The following NMUR1 variants were observed in gnomAD, a reference collection of about 807,000 sequenced individuals.
NMUR1 encodes the protein neuromedin U receptor 1.
Under a neutral mutation model 18.8 loss-of-function variants are expected in NMUR1, and 16 were observed. The ratio of observed to expected loss-of-function variants is 0.85; its 90% CI spans 0.58 to 1.29. NMUR1 has a LOEUF of 1.29. Among genes scored for constraint, NMUR1 ranks in the 50% most tolerant of loss-of-function variants. The pLI is 0.00. For missense variants in NMUR1, 529 were observed against 580.3 expected (o/e 0.91, Z 0.91); for synonymous variants, 258 against 258.2 (o/e 1.00, Z 0.01).
intron 2 of NMUR1, among the ~76,000 whole-genome samples, chr2:231,526,447 G>A (rs3769986): frequency 0.28 from 42,440 of 152,068 alleles, 6,565 homozygotes; most frequent in East Asian, 0.5. Context: ...CACCTTCCAG[G>A]GGTGAGCCAC....
In NMUR1 at chr2:231,528,820, G is replaced by C; in HGVS notation, c.201C>G (p.Tyr67Ter). ...TELFMPICAT[Y>*]LLIFVVGAVG... ...CAGCGCCCACCACGAAGATCAGCAG[G>C]TATGTGGCACAGATGGGCATGAACA... is the stretch of plus-strand genomic sequence containing the variant. Residue 67 changes from tyrosine (Y) to a stop codon, truncating the protein, a stop_gained, in exon 2 of 3, where the codon TAC becomes TAG. Transcript: ENST00000305141. LOFTEE classifies it high-confidence loss of function. The C allele has an allele frequency of 1.2e-6, 2 of 1,614,250 alleles. No homozygotes were observed. Among genetic ancestry groups the C allele is most frequent in the South Asian group, 2.2e-5 (2 of 91,088 alleles).
chr2:231,522,984 A>G (rs1465101922), downstream of NMUR1, among the ~76,000 whole-genome samples: 3 of 152,172 alleles, frequency 2.0e-5, no homozygotes, highest in Non-Finnish European at 4.4e-5. Flanking sequence ...ATTCACCCAG[A>G]TGGTTTATGC....
rs1345073639 is a variant in NMUR1, at chr2:231,525,091, C to A, written c.1233G>T (p.Leu411=). 7 of 1,608,316 alleles carry A rather than the reference C, an allele frequency of 4.4e-6. No homozygotes were observed. The highest frequency in any genetic ancestry group is 5.9e-6 in the Non-Finnish European group (7 of 1,177,064). Residue 411 remains leucine (L), a synonymous_variant, in exon 3 of 3, where the codon CTG becomes CTT. Coordinates refer to ENST00000305141, the MANE Select transcript of NMUR1 (RefSeq NM_006056.5). ...VGSLGSWVHP[L]AGNDGPEAQQ... ...GCGCCTCTGGGCCATCGTTCCCAGC[C>A]AGGGGGTGGACCCAGCTGCCCAGGG...
intron 1 of NMUR1, among the ~76,000 whole-genome samples, chr2:231,529,316 C>T (rs779083160): frequency 1.4e-4 from 22 of 152,034 alleles, no homozygotes; most frequent in Admixed American, 7.9e-4. Flanking sequence ...AAAAAGTAGC[C>T]GGGCGTGGTA....
At chr2:231,530,040 A>C (rs1219715225) in intron 1 of NMUR1, among the ~76,000 whole-genome samples, 2 of 152,022 alleles carry the variant, frequency 1.3e-5, no homozygotes. Context: ...ATTGAGCCCC[A>C]CACCCTTCCT....
chr2:231,529,980 TC>T (rs2047398593), intron 1 of NMUR1, among the ~76,000 whole-genome samples: 1 of 152,214 alleles, frequency 6.6e-6, no homozygotes, highest in South Asian at 2.1e-4. Context: ...CTGTTCAGTC[TC>T]CATATTTGAC....
chr2:231,519,526 C>T (rs1191678782), downstream of NMUR1, among the ~76,000 whole-genome samples: 6 of 152,258 alleles, frequency 3.9e-5, no homozygotes, highest in Non-Finnish European at 8.8e-5. Context: ...ATGTTGCAGA[C>T]TGTCAGTGTT....
Position 231,524,865 on chromosome 2 carries a change from C to T in NMUR1, c.*178G>A, listed in dbSNP as rs2047338491. 1 of 732,862 alleles carries T rather than the reference C, an allele frequency of 1.4e-6. No individual in the cohort carries two copies. Among genetic ancestry groups the T allele is most frequent in the Non-Finnish European group, 2.1e-6 (1 of 474,560 alleles). The allele number at this position is 732,862 out of a possible 1,614,324, so 45.4% of individuals were successfully genotyped here. The stretch of plus-strand genomic sequence containing the variant: ...GCGTCTGGTCAGTGTGAGTCCTCAG[C>T]AGTCAGGGATCCCTCCTCCTGCTGT... On this transcript the variant is annotated 3_prime_UTR_variant, in exon 3 of 3. Transcript: ENST00000305141.
chr2:231,525,316 G>A lies in NMUR1; in HGVS notation c.1008C>T (p.His336=), dbSNP rs773347918. The change falls in exon 3 of 3, where the codon CAC becomes CAT. Residue 336 remains histidine, a synonymous_variant. Transcript: ENST00000305141. ...WTDGLHLAFQ[H]VHVISGIFFY... ...AGAAGATGCCGGAGATGACGTGCAC[G>A]TGCTGGAAGGCCAGGTGCAGGCCAT... 1.2e-5 allele frequency: 19 copies of A among 1,613,774 alleles called. No individual in the cohort carries two copies. Among genetic ancestry groups the A allele is most frequent in the Admixed American group, 1.7e-5 (1 of 59,994 alleles).
Position 231,526,330 on chromosome 2 carries a change from G to A in NMUR1, c.899-905C>T, listed in dbSNP as rs180885512. Among the ~76,000 whole-genome samples the A allele has an allele frequency of 3.2e-3, 492 of 152,214 alleles. 3 individuals are homozygous for A. The highest frequency in any genetic ancestry group is 0.011 in the African/African-American group (462 of 41,554). On this transcript the variant is annotated intron_variant, in intron 2 of 2. Transcript: ENST00000305141. ...CCTCATAATCCCAGATTTCAAAAAG[G>A]ACGTTGCTCACAACCTCCCTGGCCC...
At position 231,528,260 on chromosome 2, in the gene NMUR1, A is replaced by G. The variant is rs371287738; in HGVS notation, c.761T>C (p.Ile254Thr). The G allele has an allele frequency of 5.6e-5, 91 of 1,613,906 alleles. No individual in the cohort carries two copies. Among genetic ancestry groups the G allele is most frequent in the Non-Finnish European group, 7.3e-5 (86 of 1,180,000 alleles). The change falls in exon 2 of 3, where the codon ATT becomes ACT. Residue 254 changes from isoleucine to threonine, a missense_variant. By Grantham distance (89) the Ile-to-Thr change is moderately conservative. Coordinates refer to ENST00000305141, the MANE Select transcript of NMUR1 (RefSeq NM_006056.5). ...MAIMSVLYLL[I>T]GLRLRRERLL... ...CCTCTCCCGCCGCAGTCGCAGCCCA[A>G]TGAGCAGGTAGAGCACGCTCATGAT...
chr2:231,521,968 T>TC (rs1301401134), downstream of NMUR1, among the ~76,000 whole-genome samples: 42 of 84,976 alleles, frequency 4.9e-4, no homozygotes, highest in African/African-American at 1.2e-3. Flanking sequence ...CTTCTTTTTT[T>TC]TTCTCTTTTT....
In NMUR1 at chr2:231,528,530, AC is replaced by A; in HGVS notation, c.490del (p.Val164CysfsTer10). The A allele has an allele frequency of 2.5e-6, 4 of 1,613,934 alleles. No individual in the cohort carries two copies. ...ALSVERYVAVVHPLQARSMVT... is the reference protein window; with the variant it reads ...ALSVERYVAVXHPLQARSMVT... Reference sequence around the variant, plus strand: ...CATGGACCTGGCCTGGAGTGGGTGCACCACGGCCACATAGCGTTCCACGCTC... The same window carrying A: ...CATGGACCTGGCCTGGAGTGGGTGCACACGGCCACATAGCGTTCCACGCTC... On this transcript the variant is annotated frameshift_variant, in exon 2 of 3. Transcript: ENST00000305141. LOFTEE classifies it high-confidence loss of function.
downstream of NMUR1, among the ~76,000 whole-genome samples, chr2:231,518,794 C>T (rs1448539325): frequency 6.6e-6 from 1 of 152,168 alleles, no homozygotes; most frequent in Non-Finnish European, 1.5e-5. Context: ...GATAGTGGAC[C>T]TCAGTTGCTT....
At chr2:231,519,754 C>G (rs1476862990), downstream of NMUR1, among the ~76,000 whole-genome samples, 2 of 152,172 alleles carry the variant, frequency 1.3e-5, no homozygotes, top group Non-Finnish European at 2.9e-5. Flanking sequence ...TAGAAGCACA[C>G]TGGGGTTCTT....
In NMUR1 at chr2:231,528,990, G is replaced by A. The variant is rs1430302265; in HGVS notation, c.31C>T (p.Leu11Phe). The A allele has an allele frequency of 1.2e-6, 2 of 1,611,048 alleles. No individual in the cohort carries two copies. The highest frequency in any genetic ancestry group is 1.3e-5 in the African/African-American group (1 of 75,000). MTPLCLNCSV[L>F]PGDLYPGGAR... ...CCCCCTGGGTACAGGTCTCCAGGGA[G>A]GACAGAGCAATTGAGGCAGAGAGGA... Residue 11 changes from leucine to phenylalanine, a missense_variant, in exon 2 of 3, where the codon CTC becomes TTC. Transcript: ENST00000305141.
In NMUR1 at chr2:231,530,419, G is replaced by A. The variant is rs2047403732; in HGVS notation, c.-58C>T. On this transcript the variant is annotated 5_prime_UTR_variant, in exon 1 of 3. Transcript: ENST00000305141. ...CCCTCCGAGCGACGGACACAGACGCGGCGCGGGAGCCAGTGGACTGACTGA... is the reference window on the plus strand; with the variant it reads ...CCCTCCGAGCGACGGACACAGACGCAGCGCGGGAGCCAGTGGACTGACTGA... 1 of 1,459,228 alleles carries A rather than the reference G, an allele frequency of 6.9e-7. No individual in the cohort carries two copies. Among genetic ancestry groups the A allele is most frequent in the Non-Finnish European group, 9.0e-7 (1 of 1,112,714 alleles). 90.4% of individuals were successfully genotyped at this position (1,459,228 alleles called of 1,614,324 possible).
chr2:231,518,791 G>A (rs1044636265), downstream of NMUR1, among the ~76,000 whole-genome samples: 2 of 152,210 alleles, frequency 1.3e-5, no homozygotes, highest in African/African-American at 4.8e-5. Context: ...GATGATAGTG[G>A]ACCTCAGTTG....
In NMUR1 at chr2:231,525,313, C is replaced by A. The variant is rs575807800; in HGVS notation, c.1011G>T (p.Val337=). The change falls in exon 3 of 3, where the codon GTG becomes GTT. Residue 337 remains valine, a synonymous_variant. Transcript: ENST00000305141. ...TDGLHLAFQH[V]HVISGIFFYL... ...AGAAGAAGATGCCGGAGATGACGTG[C>A]ACGTGCTGGAAGGCCAGGTGCAGGC... is the stretch of plus-strand genomic sequence containing the variant. 28 of 1,613,964 alleles carry A rather than the reference C, an allele frequency of 1.7e-5. No homozygotes were observed. Among genetic ancestry groups the A allele is most frequent in the Non-Finnish European group, 2.1e-5 (25 of 1,179,996 alleles).
Sources: gnomAD v4.1 joint callset for allele counts (sites outside exome capture counted in the v4.1 genomes callset) on GRCh38, gnomAD v4.1.1 for gene constraint, MANE v1.5 for transcripts, NCBI Gene and HGNC (gene_info 2026-07-23, HGNC 2026-07-21) for gene names.